RALGPS2: variants seen among roughly 807,000 people sequenced by gnomAD.
The protein encoded by RALGPS2 is Ral GEF with PH domain and SH3 binding motif 2.
Under a neutral mutation model 86.8 loss-of-function variants are expected in RALGPS2, and 43 were observed. That is an observed-to-expected ratio of 0.50 (90% confidence interval 0.39 to 0.64). The LOEUF (loss-of-function observed/expected upper bound fraction) is 0.64. Ranked by LOEUF, RALGPS2 falls within the 30% of genes least tolerant of loss-of-function variation. The probability of loss-of-function intolerance (pLI) is 0.00; values close to 1 mark genes in which losing one functional copy is unlikely to be tolerated. For synonymous variants in RALGPS2, 243 were observed against 231.3 expected (o/e 1.05, Z -0.46); for missense variants, 536 against 694.6 (o/e 0.77, Z 2.57).
At chr1:178,909,769 T>A (rs896887622) in intron 19 of RALGPS2, among the ~76,000 whole-genome samples, 2 of 150,090 alleles carry the variant, frequency 1.3e-5, no homozygotes, top group Non-Finnish European at 3.0e-5. Flanking sequence ...CCTGCCTCAG[T>A]CTCCCGAGTA....
intron 1 of RALGPS2, among the ~76,000 whole-genome samples, chr1:178,738,591 A>T (rs1281750996): frequency 6.6e-6 from 1 of 152,216 alleles, no homozygotes; most frequent in Non-Finnish European, 1.5e-5. Context: ...TTAAATTTCT[A>T]ATAAGTATCT....
chr1:178,865,732 T>C (rs561838589), intron 8 of RALGPS2: 72 of 1,613,044 alleles, frequency 4.5e-5, no homozygotes, highest in Admixed American at 1.7e-4. Context: ...CAGTGTCCAC[T>C]AGTAGGAAGA....
At chr1:178,726,862 G>A (rs371863657) in intron 1 of RALGPS2, among the ~76,000 whole-genome samples, 6 of 152,294 alleles carry the variant, frequency 3.9e-5, no homozygotes, top group African/African-American at 1.4e-4. Context: ...TATAAAGCCT[G>A]TTCCACTCAA....
intron 8 of RALGPS2, among the ~76,000 whole-genome samples, chr1:178,876,930 C>A (rs912535619): frequency 2.0e-5 from 3 of 152,068 alleles, no homozygotes; most frequent in Non-Finnish European, 4.4e-5. Flanking sequence ...AACATTTCTA[C>A]CAGATTGAGA....
At chr1:178,730,784 C>T (rs6661788) in intron 1 of RALGPS2, among the ~76,000 whole-genome samples, 2,287 of 151,936 alleles carry the variant, frequency 0.015, 54 homozygotes, top group African/African-American at 0.051. Flanking sequence ...TCACCACAAC[C>T]TCTGCTTCCC....
At chr1:178,747,005 C>T (rs1476559123) in intron 1 of RALGPS2, 1 of 922,624 alleles carries the variant, frequency 1.1e-6, no homozygotes, top group South Asian at 1.3e-5. Flanking sequence ...CTAGAATCTC[C>T]CTTTACACAT....
rs533528420 is a variant in RALGPS2, at chr1:178,897,672, T to G, written c.1440T>G (p.Ser480=). 6 of 1,611,570 alleles carry G rather than the reference T, an allele frequency of 3.7e-6. No homozygotes were observed. The African/African-American group carries it at 4.0e-5, about 11-fold the overall frequency. The change falls in exon 17 of 20, where the codon TCT becomes TCG. Residue 480 remains serine (S), a synonymous_variant. Transcript: ENST00000367635. The stretch of plus-strand genomic sequence containing the variant: ...GTGTTTGTCCTATCCAGGTAGCATC[T>G]TGGACAAAATATTGGGCAGCTTTGT... The part of the protein sequence containing the change: ...LKEGKKPTVA[S]WTKYWAALCG...
At chr1:178,771,435 C>T (rs1652808131) in intron 1 of RALGPS2, among the ~76,000 whole-genome samples, 1 of 152,180 alleles carries the variant, frequency 6.6e-6, no homozygotes, top group Non-Finnish European at 1.5e-5. Flanking sequence ...AGCTCAACTT[C>T]TTGTCAGTAA....
At chr1:178,887,167 T>G (rs1034455792) in intron 13 of RALGPS2, among the ~76,000 whole-genome samples, 7 of 152,218 alleles carry the variant, frequency 4.6e-5, no homozygotes, top group African/African-American at 1.4e-4. Flanking sequence ...AAATTATTCA[T>G]ATAGCCTGGG....
intron 1 of RALGPS2, among the ~76,000 whole-genome samples, chr1:178,756,752 T>C (rs1651976191): frequency 6.6e-6 from 1 of 152,182 alleles, no homozygotes; most frequent in Non-Finnish European, 1.5e-5. Flanking sequence ...TTGAGCAGTG[T>C]GGCCATTTTA....
intron 17 of RALGPS2, 21 bp from the exon 18 acceptor site, chr1:178,902,085 A>G (rs748960343): frequency 1.3e-6 from 2 of 1,567,220 alleles, no homozygotes; most frequent in South Asian, 2.2e-5. Context: ...TGTTTCCGCT[A>G]ATTATCTTTT....
At chr1:178,796,869 A>G (rs111404824) in intron 4 of RALGPS2, among the ~76,000 whole-genome samples, 1 of 152,180 alleles carries the variant, frequency 6.6e-6, no homozygotes, top group Non-Finnish European at 1.5e-5. Context: ...AAATTAATCA[A>G]TGAATATTCT....
chr1:178,755,339 C>A (rs1335771637), intron 1 of RALGPS2, among the ~76,000 whole-genome samples: 2 of 152,124 alleles, frequency 1.3e-5, no homozygotes, highest in Non-Finnish European at 2.9e-5. Context: ...TTCCCCCTTT[C>A]CCTCACTACT....
intron 6 of RALGPS2, 150 bp from the exon 7 acceptor site, chr1:178,821,460 AAC>A (rs754410032): frequency 8.8e-6 from 5 of 569,192 alleles, no homozygotes; most frequent in Non-Finnish European, 1.5e-5. Flanking sequence ...ACTTAGTGTA[AAC>A]ACAGGGTACT....
chr1:178,853,030 AT>A, intron 8 of RALGPS2: 1 of 1,507,234 alleles, frequency 6.6e-7, no homozygotes, highest in Non-Finnish European at 8.8e-7. Context: ...AGTGTTAAAC[AT>A]TCGATAGCAT....
intron 19 of RALGPS2, among the ~76,000 whole-genome samples, chr1:178,907,293 T>G (rs983780057): frequency 6.6e-6 from 1 of 152,064 alleles, no homozygotes; most frequent in Non-Finnish European, 1.5e-5. Flanking sequence ...AAGCTTAAGG[T>G]GAGTTCAAAG....
chr1:178,893,728 A>C lies in RALGPS2; in HGVS notation c.1326-191A>C, dbSNP rs1659817168. 6.8e-6 allele frequency: 3 copies of C among 443,020 alleles called. No individual in the cohort carries two copies. In the East Asian group the frequency reaches 1.1e-4, roughly 16 times the overall value. The allele number at this position is 443,020 out of a possible 1,614,324, so 27.4% of individuals were successfully genotyped here. A position where few individuals can be genotyped will look rare whatever the true frequency, so the allele number is the denominator to read the frequency against. On this transcript the variant is annotated intron_variant, in intron 15 of 19. Coordinates refer to ENST00000367635, the MANE Select transcript of RALGPS2 (RefSeq NM_152663.5). Reference sequence around the variant, plus strand: ...TTTTAACCATCTGCTGACTTTAATAACTTTCTAATCAACTTTTTGTACAGC... The same window carrying C: ...TTTTAACCATCTGCTGACTTTAATACCTTTCTAATCAACTTTTTGTACAGC...
intron 17 of RALGPS2, among the ~76,000 whole-genome samples, chr1:178,900,405 G>A (rs1660117380): frequency 6.6e-6 from 1 of 151,888 alleles, no homozygotes; most frequent in African/African-American, 2.4e-5. Flanking sequence ...TTAAAAGATT[G>A]ATGACATAGC....
intron 8 of RALGPS2, chr1:178,853,048 A>G (rs1657289979): frequency 6.7e-7 from 1 of 1,483,492 alleles, no homozygotes; most frequent in Non-Finnish European, 8.9e-7. Flanking sequence ...GCATAAAGAT[A>G]CTGGCCATTT....
Sources: allele counts gnomAD v4.1 joint callset (sites outside exome capture counted in the v4.1 genomes callset), GRCh38; gene constraint gnomAD v4.1.1; transcripts MANE v1.5; gene names NCBI Gene and HGNC (gene_info 2026-07-23, HGNC 2026-07-21).